Variants in FAM227B observed in about 807,000 individuals in gnomAD.
FAM227B encodes the protein family with sequence similarity 227 member B, also known as protein FAM227B.
FAM227B carries 88 observed loss-of-function variants against 73.8 expected under a neutral mutation model. The observed-to-expected ratio is 1.19, with a 90% CI of 1.00 to 1.42. FAM227B has a LOEUF of 1.42. Among genes scored for constraint, FAM227B ranks in the 40% most tolerant of loss-of-function variants. FAM227B has a pLI of 0.00. For synonymous variants in FAM227B, 210 were observed against 190.5 expected, an observed-to-expected ratio of 1.10 and a Z score of -0.84; for missense variants, 632 against 590.9, an observed-to-expected ratio of 1.07 and a Z score of -0.72.
intron 10 of FAM227B, among the ~76,000 whole-genome samples, chr15:49,540,860 A>G (rs933547727): frequency 1.3e-5 from 2 of 152,106 alleles, no homozygotes; most frequent in Non-Finnish European, 2.9e-5. Flanking sequence ...TTGATTTTTT[A>G]TATAACTGGC....
intron 13 of FAM227B, among the ~76,000 whole-genome samples, chr15:49,341,889 CAAGAGTATGGTTGAT>C (rs2040784117): frequency 6.6e-6 from 1 of 151,888 alleles, no homozygotes; most frequent in Non-Finnish European, 1.5e-5. Context: ...ATTTTTATTC[CAAGAGTATGGTTGAT>C]AAGAGTTTGG....
chr15:49,545,696 T>A lies in FAM227B; in HGVS notation c.748-3890A>T, dbSNP rs537949478. 8.8e-4 allele frequency among the ~76,000 whole-genome samples: 134 copies of A among 152,312 alleles called. 5 individuals are homozygous for A. The South Asian group carries it at 0.027, about 30-fold the overall frequency. ...GAGGTTTAGATAGGTCATGTCAGTA[T>A]TACTGTTCAGTTCAAAGAATTTTAA... On this transcript the variant is annotated intron_variant, in intron 9 of 15. Transcript: ENST00000299338.
chr15:49,371,437 AT>A lies in FAM227B; in HGVS notation c.1013-39del, dbSNP rs1349554305. ...ATAAAATACTTTTTAAAATTCTGGT[AT>A]TTTTTTCCTTCACAGAAAAAGCATG... is the stretch of plus-strand genomic sequence containing the variant. On this transcript the variant is annotated intron_variant, in intron 11 of 15. Transcript: ENST00000299338. 53 of 1,298,762 alleles carry A rather than the reference AT, an allele frequency of 4.1e-5. 1 individual carries two copies. The East Asian group carries it at 1.0e-3, about 25-fold the overall frequency. The allele number at this position is 1,298,762 out of a possible 1,614,324, so 80.5% of individuals were successfully genotyped here. A position where few individuals can be genotyped will look rare whatever the true frequency, so the allele number is the denominator to read the frequency against.
At chr15:49,405,356 GC>G (rs1405419518) in intron 11 of FAM227B, among the ~76,000 whole-genome samples, 1 of 152,138 alleles carries the variant, frequency 6.6e-6, no homozygotes, top group African/African-American at 2.4e-5. Context: ...TTTCCAACTT[GC>G]TTGTACTCAC....
chr15:49,384,714 G>A lies in FAM227B; in HGVS notation c.1013-13315C>T, dbSNP rs925812696. Among the ~76,000 whole-genome samples the A allele has an allele frequency of 2.0e-5, 3 of 150,972 alleles. No individual in the cohort carries two copies. In the South Asian group the frequency reaches 6.2e-4, roughly 31 times the overall value. ...ACAAAAATGCCTTATAAACTGTTCT[G>A]CTGTGACTAGTAATAGTTAAGATTA... On this transcript the variant is annotated intron_variant, in intron 11 of 15. Coordinates refer to ENST00000299338, the MANE Select transcript of FAM227B (RefSeq NM_152647.3).
intron 10 of FAM227B, among the ~76,000 whole-genome samples, chr15:49,532,661 A>G (rs960475035): frequency 1.3e-4 from 18 of 143,354 alleles, no homozygotes; most frequent in African/African-American, 4.4e-4. Flanking sequence ...TTATAATCGT[A>G]ATTAATATTC....
Position 49,508,226 on chromosome 15 carries a change from C to T in FAM227B, c.997G>A (p.Glu333Lys). The change falls in exon 11 of 16, where the codon GAA (glutamate) becomes AAA (lysine). Residue 333 changes from glutamate (E) to lysine (K), a missense_variant. Glu to Lys is a moderately conservative substitution (Grantham distance 56). Coordinates refer to ENST00000299338, the MANE Select transcript of FAM227B (RefSeq NM_152647.3). ...SVKERIADSQEHISTSIDFNI... is the reference protein window; with the variant it reads ...SVKERIADSQKHISTSIDFNI... ...CTTTACTTACTAGTTGATATATGTT[C>T]TTGACTGTCTGCAATTCTTTCCTTT... 6.2e-7 allele frequency: 1 copy of T among 1,610,068 alleles called. No homozygotes were observed. Among genetic ancestry groups the T allele is most frequent in the Non-Finnish European group, 8.5e-7 (1 of 1,178,292 alleles).
At position 49,331,837 on chromosome 15, in the gene FAM227B, C is replaced by G; in HGVS notation, c.1362G>C (p.Lys454Asn). 6.2e-7 allele frequency: 1 copy of G among 1,609,026 alleles called. No homozygotes were observed. Among genetic ancestry groups the G allele is most frequent in the Non-Finnish European group, 8.5e-7 (1 of 1,175,512 alleles). The change falls in exon 15 of 16, where the codon AAG (lysine) becomes AAC (asparagine). Residue 454 changes from lysine to asparagine, a missense_variant. Lys to Asn is a moderately conservative substitution (Grantham distance 94). Coordinates refer to ENST00000299338, the MANE Select transcript of FAM227B (RefSeq NM_152647.3). ...TCACTTCATGAGGTTTCTTGGTAGC[C>G]TTTGCTTGGAGTCTAATCATGGAAT... ...NQKDFRILQA[K>N]ATKKPHEVKQ...
At chr15:49,589,035 G>C (rs2152405898) in intron 4 of FAM227B, among the ~76,000 whole-genome samples, 1 of 151,852 alleles carries the variant, frequency 6.6e-6, no homozygotes, top group Middle Eastern at 3.4e-3. Context: ...TCAAGAATAA[G>C]ACAAGAATAA....
chr15:49,537,758 T>C (rs1057470922), intron 10 of FAM227B, among the ~76,000 whole-genome samples: 3 of 152,068 alleles, frequency 2.0e-5, no homozygotes, highest in Admixed American at 2.0e-4. Context: ...GATCCTGCCA[T>C]TTGCCCCACA....
chr15:49,577,068 G>A, intron 6 of FAM227B: 2 of 414,320 alleles, frequency 4.8e-6, no homozygotes, highest in Non-Finnish European at 8.6e-6. Flanking sequence ...AGGCTGAAGT[G>A]GGTGGATCAC....
intron 3 of FAM227B, among the ~76,000 whole-genome samples, chr15:49,608,277 T>C (rs1216033387): frequency 6.6e-6 from 1 of 152,188 alleles, no homozygotes; most frequent in Non-Finnish European, 1.5e-5. Flanking sequence ...AAGAATTGGC[T>C]ATGTATTTGT....
At chr15:49,517,851 A>G (rs994772760) in intron 10 of FAM227B, among the ~76,000 whole-genome samples, 17 of 152,290 alleles carry the variant, frequency 1.1e-4, no homozygotes, top group African/African-American at 4.1e-4. Flanking sequence ...TTAGTTTTAT[A>G]GATGTTGACC....
Position 49,328,217 on chromosome 15 carries a change from TC to T in FAM227B, c.*350del. 1 of 1,544,778 alleles carries T rather than the reference TC, an allele frequency of 6.5e-7. No homozygotes were observed. The highest frequency in any genetic ancestry group is 8.7e-7 in the Non-Finnish European group (1 of 1,142,890). ...GGGCACTTAGGAATTGGCAGGACTT[TC>T]TGTGCCACAGTAAATTAATCTTCCT... On this transcript the variant is annotated 3_prime_UTR_variant, in exon 16 of 16. Coordinates refer to ENST00000299338, the MANE Select transcript of FAM227B (RefSeq NM_152647.3).
chr15:49,609,758 T>C (rs2077763092), intron 3 of FAM227B, among the ~76,000 whole-genome samples: 1 of 151,982 alleles, frequency 6.6e-6, no homozygotes, highest in African/African-American at 2.4e-5. Flanking sequence ...AAATATCCAA[T>C]AGTTTGGCAA....
intron 13 of FAM227B, chr15:49,366,735 G>T: frequency 1.0e-6 from 1 of 967,216 alleles, no homozygotes; most frequent in Non-Finnish European, 1.6e-6. Context: ...ACTAGGTGGG[G>T]TAGGCTGGGA....
intron 11 of FAM227B, among the ~76,000 whole-genome samples, chr15:49,503,321 C>T (rs925464787): frequency 6.8e-4 from 103 of 152,158 alleles, no homozygotes; most frequent in African/African-American, 2.4e-3. Context: ...CTATAAAAAC[C>T]CTAGAAGAAA....
At chr15:49,563,506 A>G (rs1325259334) in intron 9 of FAM227B, among the ~76,000 whole-genome samples, 2 of 152,096 alleles carry the variant, frequency 1.3e-5, no homozygotes, top group Admixed American at 1.3e-4. Context: ...AAATTCATAC[A>G]GAAACACAAA....
At chr15:49,550,092 G>A (rs1437265414) in intron 9 of FAM227B, among the ~76,000 whole-genome samples, 11 of 144,230 alleles carry the variant, frequency 7.6e-5, no homozygotes, top group Admixed American at 2.7e-4. Context: ...GGACGGGGGC[G>A]GCTGGCCGGG....
Sources: gnomAD v4.1 joint callset for allele counts (sites outside exome capture counted in the v4.1 genomes callset) on GRCh38, gnomAD v4.1.1 for gene constraint, MANE v1.5 for transcripts, NCBI Gene and HGNC (gene_info 2026-07-23, HGNC 2026-07-21) for gene names.